CSMD3: variants seen among roughly 807,000 people sequenced by gnomAD.
The protein encoded by CSMD3 is CUB and sushi domain-containing protein 3.
Under a neutral mutation model 435.2 loss-of-function variants are expected in CSMD3, and 177 were observed. The ratio of observed to expected loss-of-function variants is 0.41; its 90% confidence interval spans 0.36 to 0.46. CSMD3 has a LOEUF of 0.46. Ranked by LOEUF, CSMD3 falls within the 20% of genes least tolerant of loss-of-function variation. CSMD3 has a pLI of 0.34. For synonymous variants in CSMD3, 1,656 were observed against 1,520.5 expected, an observed-to-expected ratio of 1.09 and a Z score of -2.07; for missense variants, 4,265 against 4,504.6, an observed-to-expected ratio of 0.95 and a Z score of 1.52.
chr8:112,989,809 T>C (rs926511813), intron 6 of CSMD3, among the ~76,000 whole-genome samples: 1 of 152,016 alleles, frequency 6.6e-6, no homozygotes, highest in African/African-American at 2.4e-5. Flanking sequence ...CTTGGGATGC[T>C]TTCCTCAAAC....
chr8:112,484,133 C>T (rs1017135078), intron 31 of CSMD3, among the ~76,000 whole-genome samples: 7 of 152,088 alleles, frequency 4.6e-5, no homozygotes, highest in Middle Eastern at 3.2e-3. Flanking sequence ...TTCTCCTTTC[C>T]GTTATATTCA....
chr8:112,974,658 A>C (rs74409719), intron 7 of CSMD3, among the ~76,000 whole-genome samples: 245 of 152,004 alleles, frequency 1.6e-3, no homozygotes, highest in African/African-American at 5.7e-3. Context: ...CTTTTTGAGA[A>C]GACTATTATA....
chr8:113,119,212 C>T (rs1042579959), intron 4 of CSMD3, among the ~76,000 whole-genome samples: 1 of 151,994 alleles, frequency 6.6e-6, no homozygotes, highest in Non-Finnish European at 1.5e-5. Flanking sequence ...TTTAATAAAA[C>T]GTTATATAGA....
chr8:113,383,987 A>G (rs961851075), intron 1 of CSMD3, among the ~76,000 whole-genome samples: 1 of 152,188 alleles, frequency 6.6e-6, no homozygotes, highest in Admixed American at 6.5e-5. Context: ...AAGATTAACT[A>G]CATTATTATT....
chr8:113,149,952 G>A (rs1354215394), intron 4 of CSMD3, among the ~76,000 whole-genome samples: 1 of 151,632 alleles, frequency 6.6e-6, no homozygotes, highest in African/African-American at 2.4e-5. Context: ...TAAATACTCT[G>A]AAAATCATTA....
At chr8:113,091,953 CA>C (rs1427754957) in intron 5 of CSMD3, among the ~76,000 whole-genome samples, 1 of 151,948 alleles carries the variant, frequency 6.6e-6, no homozygotes, top group African/African-American at 2.4e-5. Flanking sequence ...TTCTGTATCA[CA>C]TAGGTTTTGT....
chr8:112,971,342 G>A lies in CSMD3; in HGVS notation c.1342+4495C>T, dbSNP rs539142515. Among the ~76,000 whole-genome samples, 5 of 152,216 alleles carry A rather than the reference G, an allele frequency of 3.3e-5. No individual in the cohort carries two copies. In the East Asian group the frequency reaches 7.8e-4, roughly 24 times the overall value. On this transcript the variant is annotated intron_variant, in intron 7 of 70. Transcript: ENST00000297405. Reference sequence around the variant, plus strand: ...GTGTTCTCAGCTACTGAGAAGTTGTGACTTTGGGAATTGAACTTATTGCTC... The same window carrying A: ...GTGTTCTCAGCTACTGAGAAGTTGTAACTTTGGGAATTGAACTTATTGCTC...
At chr8:112,963,864 T>C (rs2084322980) in intron 7 of CSMD3, among the ~76,000 whole-genome samples, 1 of 151,934 alleles carries the variant, frequency 6.6e-6, no homozygotes. Flanking sequence ...CATATCAATA[T>C]TGCATTAAAC....
chr8:112,295,862 T>C lies in CSMD3; in HGVS notation c.8585A>G (p.Asn2862Ser), dbSNP rs1563752066. Reference protein sequence around the residue: ...SSVRICQQDHNWSGQLPSCVP... With the variant: ...SSVRICQQDHSWSGQLPSCVP... ...ACAGGATGGGAGCTGACCAGACCAA[T>C]TGTGATCCTGTTGACATATCCTCAC... is the stretch of plus-strand genomic sequence containing the variant. The change falls in exon 54 of 71, where the codon AAT (asparagine) becomes AGT (serine). Residue 2862 changes from asparagine (N) to serine (S), a missense_variant. Physicochemically the swap from Asn to Ser is conservative, Grantham distance 46 (BLOSUM62 1). This residue lies in a region of CSMD3 where 3,255 missense variants were observed against 3,380.2 expected (regional missense o/e 0.96). Coordinates refer to ENST00000297405, the MANE Select transcript of CSMD3 (RefSeq NM_198123.2). 5 of 1,613,998 alleles carry C rather than the reference T, an allele frequency of 3.1e-6. No individual in the cohort carries two copies. Among genetic ancestry groups the C allele is most frequent in the Non-Finnish European group, 4.2e-6 (5 of 1,179,972 alleles).
intron 13 of CSMD3, among the ~76,000 whole-genome samples, chr8:112,714,281 C>A (rs957288539): frequency 6.6e-6 from 1 of 151,490 alleles, no homozygotes. Flanking sequence ...CAATGTTACT[C>A]TCTGACAAAA....
At chr8:112,824,392 T>C (rs528781390) in intron 12 of CSMD3, among the ~76,000 whole-genome samples, 4 of 152,282 alleles carry the variant, frequency 2.6e-5, no homozygotes, top group South Asian at 4.1e-4. Context: ...AGTTTCTTCA[T>C]AGTGTCATTT....
intron 50 of CSMD3, among the ~76,000 whole-genome samples, chr8:112,309,213 C>A: frequency 6.6e-6 from 1 of 151,986 alleles, no homozygotes; most frequent in East Asian, 1.9e-4. Flanking sequence ...AGCACTAATT[C>A]TACAAAGCAA....
At chr8:112,318,410 C>T (rs1563782427) in intron 47 of CSMD3, among the ~76,000 whole-genome samples, 2 of 152,022 alleles carry the variant, frequency 1.3e-5, no homozygotes, top group African/African-American at 4.8e-5. Context: ...TGTTACTCTG[C>T]TTGTTTGTTT....
chr8:113,305,474 A>G (rs1208117678), intron 2 of CSMD3, among the ~76,000 whole-genome samples: 1 of 152,204 alleles, frequency 6.6e-6, no homozygotes, highest in African/African-American at 2.4e-5. Flanking sequence ...AAACCTTTCC[A>G]CAGATTTACT....
intron 3 of CSMD3, among the ~76,000 whole-genome samples, chr8:113,186,406 T>C (rs903469484): frequency 1.3e-5 from 2 of 152,036 alleles, no homozygotes; most frequent in Non-Finnish European, 2.9e-5. Flanking sequence ...TTACCTTGTT[T>C]AGTCAAAGTA....
At chr8:112,592,933 A>G (rs1349144147) in intron 22 of CSMD3, among the ~76,000 whole-genome samples, 1 of 152,140 alleles carries the variant, frequency 6.6e-6, no homozygotes. Flanking sequence ...TAATAGGCTG[A>G]GATGGCACAA....
intron 3 of CSMD3, among the ~76,000 whole-genome samples, chr8:113,231,774 A>C (rs2093090475): frequency 6.6e-6 from 1 of 151,036 alleles, no homozygotes; most frequent in East Asian, 1.9e-4. Flanking sequence ...AATATTAGAT[A>C]AATACCTTTT....
chr8:112,749,472 A>G (rs1377377981), intron 13 of CSMD3, among the ~76,000 whole-genome samples: 1 of 152,156 alleles, frequency 6.6e-6, no homozygotes, highest in African/African-American at 2.4e-5. Context: ...CTAGGATAAC[A>G]GAATAGCCAT....
intron 31 of CSMD3, among the ~76,000 whole-genome samples, chr8:112,476,869 A>G (rs879750165): frequency 6.6e-5 from 10 of 152,150 alleles, no homozygotes; most frequent in Admixed American, 1.3e-4. Context: ...CCAGACTCCC[A>G]TCAATTTCTG....
Sources: allele counts gnomAD v4.1 joint callset (sites outside exome capture counted in the v4.1 genomes callset), GRCh38; gene constraint gnomAD v4.1.1; regional missense constraint gnomAD v4.1.1; transcripts MANE v1.5; gene names NCBI Gene and HGNC (gene_info 2026-07-23, HGNC 2026-07-21).